SDK1: variants seen among roughly 807,000 people sequenced by gnomAD.
SDK1 encodes sidekick cell adhesion molecule 1.
In SDK1, 157 loss-of-function variants were observed where a neutral mutation model predicts 245.5. The observed-to-expected ratio is 0.64, with a 90% CI of 0.56 to 0.73. SDK1 has a LOEUF of 0.73. Ranked by LOEUF, SDK1 falls within the 30% of genes least tolerant of loss-of-function variation. The probability of loss-of-function intolerance (pLI) is 0.00; values close to 1 mark genes in which losing one functional copy is unlikely to be tolerated. For missense variants in SDK1, 3,583 were observed against 3,002.3 expected (o/e 1.19, Z -4.52); for synonymous variants, 1,647 against 1,278.5 (o/e 1.29, Z -6.15).
chr7:3,830,695 C>A (rs1339119361), intron 5 of SDK1, among the ~76,000 whole-genome samples: 2 of 152,070 alleles, frequency 1.3e-5, no homozygotes, highest in Non-Finnish European at 2.9e-5. Flanking sequence ...ACAGGATCTG[C>A]CCATTGTTGC....
intron 1 of SDK1, among the ~76,000 whole-genome samples, chr7:3,358,801 G>T (rs1428293141): frequency 6.6e-6 from 1 of 152,158 alleles, no homozygotes; most frequent in East Asian, 1.9e-4. Context: ...GAGGCAAAAT[G>T]GGGTGGGTTT....
chr7:3,523,234 C>G (rs950532457), intron 1 of SDK1, among the ~76,000 whole-genome samples: 1 of 152,142 alleles, frequency 6.6e-6, no homozygotes, highest in Non-Finnish European at 1.5e-5. Flanking sequence ...GAAGCATTTG[C>G]AAATCATAAA....
intron 28 of SDK1, among the ~76,000 whole-genome samples, chr7:4,142,896 C>T (rs1211568058): frequency 6.6e-6 from 1 of 152,208 alleles, no homozygotes; most frequent in African/African-American, 2.4e-5. Flanking sequence ...CCAAGATGAA[C>T]ATCGATTATG....
intron 4 of SDK1, among the ~76,000 whole-genome samples, chr7:3,661,809 G>A (rs533343104): frequency 3.9e-5 from 6 of 152,218 alleles, no homozygotes; most frequent in Non-Finnish European, 8.8e-5. Flanking sequence ...CCTCGGGCAA[G>A]CACCTGGGCT....
At chr7:3,882,826 T>A (rs1226776521) in intron 5 of SDK1, among the ~76,000 whole-genome samples, 1 of 152,168 alleles carries the variant, frequency 6.6e-6, no homozygotes, top group Admixed American at 6.5e-5. Flanking sequence ...TTATAAAAAA[T>A]TCTATAATTT....
chr7:3,720,093 T>C lies in SDK1; in HGVS notation c.713+77988T>C, dbSNP rs1290265755. On this transcript the variant is annotated intron_variant, in intron 4 of 44. Transcript: ENST00000404826. ...TACGATTTACAAAAATAAAATCTTA[T>C]CACAATTAAAAACTTTTATGAATGA... 4.6e-5 allele frequency among the ~76,000 whole-genome samples: 7 copies of C among 151,936 alleles called. No homozygotes were observed. In the South Asian group the frequency reaches 1.0e-3, roughly 23 times the overall value.
chr7:3,610,232 C>T (rs779148979), intron 1 of SDK1, among the ~76,000 whole-genome samples: 6 of 152,194 alleles, frequency 3.9e-5, no homozygotes, highest in East Asian at 1.9e-4. Flanking sequence ...ACATATTTGC[C>T]GTAAACTCAC....
chr7:3,749,790 C>G (rs561365927), intron 4 of SDK1, among the ~76,000 whole-genome samples: 1 of 152,128 alleles, frequency 6.6e-6, no homozygotes, highest in Non-Finnish European at 1.5e-5. Flanking sequence ...TAATGGTAGT[C>G]ATGGACCCTA....
chr7:3,658,609 CTT>C (rs71029690), intron 4 of SDK1, among the ~76,000 whole-genome samples: 149 of 101,956 alleles, frequency 1.5e-3, no homozygotes, highest in African/African-American at 3.7e-3. Flanking sequence ...CTACTATCTT[CTT>C]TTTTTTTTTT....
rs78635130 is a variant in SDK1 at position 3,350,383 on chromosome 7, G to C, written c.298+48499G>C. 8.5e-4 allele frequency among the ~76,000 whole-genome samples: 130 copies of C among 152,314 alleles called. 2 individuals are homozygous for C. In the East Asian group the frequency reaches 0.021, roughly 25 times the overall value. On this transcript the variant is annotated intron_variant, in intron 1 of 44. Transcript: ENST00000404826. ...TGCCATGAACTTGTGAAGCAAGTGA[G>C]TCCCTTTGTTGTGATTCCAAATTTA...
At chr7:3,459,145 A>G (rs888648757) in intron 1 of SDK1, among the ~76,000 whole-genome samples, 1 of 152,104 alleles carries the variant, frequency 6.6e-6, no homozygotes, top group African/African-American at 2.4e-5. Flanking sequence ...ATTTTTGTGT[A>G]TTCTTTTTGT....
At chr7:3,562,225 G>T (rs867657222) in intron 1 of SDK1, among the ~76,000 whole-genome samples, 1 of 152,182 alleles carries the variant, frequency 6.6e-6, no homozygotes, top group African/African-American at 2.4e-5. Flanking sequence ...ATTCCAGACC[G>T]TATTCTACCG....
At chr7:3,345,701 C>T (rs568594530) in intron 1 of SDK1, among the ~76,000 whole-genome samples, 22 of 152,304 alleles carry the variant, frequency 1.4e-4, no homozygotes, top group Non-Finnish European at 3.1e-4. Flanking sequence ...TCTGTTTTCC[C>T]AGGCGATGCC....
intron 4 of SDK1, among the ~76,000 whole-genome samples, chr7:3,677,752 G>A (rs1783951804): frequency 6.6e-6 from 1 of 152,174 alleles, no homozygotes; most frequent in Non-Finnish European, 1.5e-5. Context: ...GACTTACTAT[G>A]TTGCTGTGGT....
intron 1 of SDK1, among the ~76,000 whole-genome samples, chr7:3,359,073 C>T (rs1050740505): frequency 6.6e-6 from 1 of 152,156 alleles, no homozygotes; most frequent in African/African-American, 2.4e-5. Context: ...CTTATGGCAT[C>T]ACCTTGGAGA....
At chr7:4,237,962 G>C (rs1255058122) in intron 42 of SDK1, among the ~76,000 whole-genome samples, 178 bp downstream of exon 42, 1 of 152,178 alleles carries the variant, frequency 6.6e-6, no homozygotes, top group Non-Finnish European at 1.5e-5. Flanking sequence ...TGCAGCAAAC[G>C]CTCTATGCCT....
At chr7:3,339,603 T>C (rs948512686) in intron 1 of SDK1, among the ~76,000 whole-genome samples, 2 of 152,038 alleles carry the variant, frequency 1.3e-5, no homozygotes, top group African/African-American at 4.8e-5. Context: ...AAACTAAAAA[T>C]AGTAAAGGCA....
chr7:3,938,203 T>C (rs1347540783), intron 5 of SDK1, among the ~76,000 whole-genome samples: 1 of 152,216 alleles, frequency 6.6e-6, no homozygotes, highest in Non-Finnish European at 1.5e-5. Context: ...TCAGCAACTT[T>C]AGAATTCTAT....
At chr7:3,772,416 G>T (rs1336790420) in intron 4 of SDK1, among the ~76,000 whole-genome samples, 1 of 151,994 alleles carries the variant, frequency 6.6e-6, no homozygotes, top group South Asian at 2.1e-4. Context: ...AGTTGTTGAT[G>T]TCACAAAATC....
Sources: allele counts gnomAD v4.1 joint callset (sites outside exome capture counted in the v4.1 genomes callset), GRCh38; gene constraint gnomAD v4.1.1; transcripts MANE v1.5; gene names NCBI Gene and HGNC (gene_info 2026-07-23, HGNC 2026-07-21).